Variants in ARHGEF12 observed in about 807,000 individuals in gnomAD.
ARHGEF12 encodes the protein Rho guanine nucleotide exchange factor 12.
A neutral mutation model predicts 211.2 loss-of-function variants in ARHGEF12; 66 were observed. The observed-to-expected ratio is 0.31, with a 90% CI of 0.26 to 0.38. ARHGEF12 has a LOEUF of 0.38. ARHGEF12 is among the 10% of genes least tolerant of loss of function. The pLI is 1.00. For synonymous variants in ARHGEF12, 592 were observed against 638.4 expected, an observed-to-expected ratio of 0.93 and a Z score of 1.09; for missense variants, 1,429 against 1,869.5, an observed-to-expected ratio of 0.76 and a Z score of 4.34.
intron 10 of ARHGEF12, among the ~76,000 whole-genome samples, chr11:120,431,137 A>C (rs1945516502): frequency 6.6e-6 from 1 of 152,024 alleles, no homozygotes; most frequent in Non-Finnish European, 1.5e-5. Context: ...TAAAAATAAA[A>C]AAATTAGACA....
rs898407888 is a variant in ARHGEF12, at chr11:120,489,096, TGAG to T, written c.*4023_*4025del. 5 of 223,926 alleles carry T rather than the reference TGAG, an allele frequency of 2.2e-5. No individual in the cohort carries two copies. The highest frequency in any genetic ancestry group is 8.9e-5 in the African/African-American group (4 of 44,828). 13.9% of individuals were successfully genotyped at this position (223,926 alleles called of 1,614,324 possible). A position where few individuals can be genotyped will look rare whatever the true frequency, so the allele number is the denominator to read the frequency against. On this transcript the variant is annotated 3_prime_UTR_variant, in exon 41 of 41. Coordinates refer to ENST00000397843, the MANE Select transcript of ARHGEF12 (RefSeq NM_015313.3). ...CTTGTCCAAGTTATATTAGAAAAGT[TGAG>T]GAGTCGAGGAGCCTGTAATTAATTT... is the stretch of plus-strand genomic sequence containing the variant.
intron 1 of ARHGEF12, among the ~76,000 whole-genome samples, chr11:120,397,495 T>C (rs1325892226): frequency 4.6e-5 from 7 of 152,228 alleles, no homozygotes; most frequent in Non-Finnish European, 8.8e-5. Context: ...ATATTTGTTA[T>C]AACATTCTTT....
intron 12 of ARHGEF12, among the ~76,000 whole-genome samples, chr11:120,438,148 G>GT (rs1945750556): frequency 6.6e-6 from 1 of 152,054 alleles, no homozygotes; most frequent in African/African-American, 2.4e-5. Flanking sequence ...TTACAGTTTT[G>GT]TAGTAAAAGA....
At chr11:120,477,111 GTTGTTGTT>G in intron 34 of ARHGEF12, 100 bp from the exon 35 acceptor site, 2 of 717,126 alleles carry the variant, frequency 2.8e-6, no homozygotes, top group Non-Finnish European at 4.8e-6. Context: ...TGTTGTTGTT[GTTGTTGTT>G]GGTTGATTTG....
chr11:120,477,038 A>T, intron 34 of ARHGEF12, 181 bp from the exon 35 acceptor site: 2 of 631,498 alleles, frequency 3.2e-6, no homozygotes, highest in Non-Finnish European at 5.5e-6. Flanking sequence ...TCTCGCCTTA[A>T]TAGTGTGTTG....
intron 1 of ARHGEF12, among the ~76,000 whole-genome samples, chr11:120,358,666 C>T (rs530633969): frequency 7.9e-5 from 12 of 152,256 alleles, no homozygotes; most frequent in African/African-American, 1.9e-4. Context: ...TCCTCAGTGA[C>T]ACTAGCCACA....
chr11:120,481,125 T>C (rs573742288), intron 38 of ARHGEF12, 135 bp from the exon 39 acceptor site: 2 of 795,636 alleles, frequency 2.5e-6, no homozygotes, highest in South Asian at 3.7e-5. Flanking sequence ...CTGATGTACC[T>C]GAAACTAAAC....
At chr11:120,401,851 T>C (rs529022277) in intron 1 of ARHGEF12, among the ~76,000 whole-genome samples, 1 of 152,344 alleles carries the variant, frequency 6.6e-6, no homozygotes, top group East Asian at 1.9e-4. Flanking sequence ...CTATGCATTT[T>C]ACTTAGCTAA....
intron 1 of ARHGEF12, among the ~76,000 whole-genome samples, chr11:120,353,358 C>T (rs756752370): frequency 6.6e-6 from 1 of 152,164 alleles, no homozygotes; most frequent in Non-Finnish European, 1.5e-5. Flanking sequence ...GTGCAGTCAG[C>T]CTGAACCGTG....
intron 11 of ARHGEF12, among the ~76,000 whole-genome samples, chr11:120,436,115 A>G (rs1340257442): frequency 1.3e-5 from 2 of 152,050 alleles, no homozygotes; most frequent in Non-Finnish European, 2.9e-5. Context: ...ATATGTGTGT[A>G]ATATTTTGAA....
At chr11:120,460,853 C>T (rs1271725112) in intron 27 of ARHGEF12, 96 bp downstream of exon 27, 1 of 1,061,142 alleles carries the variant, frequency 9.4e-7, no homozygotes, top group East Asian at 2.4e-5. Context: ...GCAAACTCAT[C>T]CATGTTGCAA....
intron 1 of ARHGEF12, among the ~76,000 whole-genome samples, chr11:120,396,680 T>G (rs1944400498): frequency 6.6e-6 from 1 of 152,230 alleles, no homozygotes; most frequent in Non-Finnish European, 1.5e-5. Context: ...AAATATATTG[T>G]AGACCTAAAA....
Position 120,446,447 on chromosome 11 carries a change from T to C in ARHGEF12, c.1390T>C (p.Tyr464His). Reference protein sequence around the residue: ...ELIPEDLHRHYIQTMQERVHP... With the variant: ...ELIPEDLHRHHIQTMQERVHP... Reference sequence around the variant, plus strand: ...CATTCCTGAGGATCTGCATCGCCACTATATCCAAACTATGCAAGAAAGAGT... The same window carrying C: ...CATTCCTGAGGATCTGCATCGCCACCATATCCAAACTATGCAAGAAAGAGT... Residue 464 changes from tyrosine to histidine, a missense_variant, in exon 17 of 41, where the codon TAT (tyrosine) becomes CAT (histidine). By Grantham distance (83) the Tyr-to-His change is moderately conservative. Coordinates refer to ENST00000397843, the MANE Select transcript of ARHGEF12 (RefSeq NM_015313.3). The C allele has an allele frequency of 1.2e-6, 2 of 1,613,412 alleles. No individual in the cohort carries two copies. Among genetic ancestry groups the C allele is most frequent in the Non-Finnish European group, 1.7e-6 (2 of 1,179,650 alleles).
intron 1 of ARHGEF12, among the ~76,000 whole-genome samples, chr11:120,345,767 A>G (rs909322607): frequency 6.6e-6 from 1 of 151,470 alleles, no homozygotes; most frequent in Non-Finnish European, 1.5e-5. Context: ...TATATACAGT[A>G]TTTAGCCTTG....
chr11:120,337,738 G>A lies in ARHGEF12; in HGVS notation c.32+463G>A, dbSNP rs556796854. 1.1e-5 allele frequency: 11 copies of A among 985,416 alleles called. No homozygotes were observed. In the African/African-American group the frequency reaches 1.6e-4, roughly 14 times the overall value. The allele number at this position is 985,416 out of a possible 1,614,324, so 61.0% of individuals were successfully genotyped here. The stretch of plus-strand genomic sequence containing the variant: ...GTTGAGCCTACTGCATGGTGATCTG[G>A]GAACTTGATCTCTTTCAGATGTTGA... On this transcript the variant is annotated intron_variant, in intron 1 of 40. Transcript: ENST00000397843.
Position 120,486,052 on chromosome 11 carries a change from C to T in ARHGEF12, c.*975C>T, listed in dbSNP as rs971509033. Reference sequence around the variant, plus strand: ...GAAGTAAAAACAAATGGAAATGCTTCGGATAGTGGCAGGGGTGGGGGTTGC... The same window carrying T: ...GAAGTAAAAACAAATGGAAATGCTTTGGATAGTGGCAGGGGTGGGGGTTGC... On this transcript the variant is annotated 3_prime_UTR_variant, in exon 41 of 41. Coordinates refer to ENST00000397843, the MANE Select transcript of ARHGEF12 (RefSeq NM_015313.3). The T allele has an allele frequency of 9.7e-6, 2 of 206,802 alleles. No homozygotes were observed. The highest frequency in any genetic ancestry group is 4.6e-5 in the African/African-American group (2 of 43,322). 12.8% of individuals were successfully genotyped at this position (206,802 alleles called of 1,614,324 possible). A position where few individuals can be genotyped will look rare whatever the true frequency, so the allele number is the denominator to read the frequency against.
chr11:120,463,840 G>T (rs1426793916), intron 27 of ARHGEF12: 2 of 152,040 alleles, frequency 1.3e-5, no homozygotes, highest in Non-Finnish European at 2.9e-5. Flanking sequence ...CAAACTTTTG[G>T]GAATATGGCT....
chr11:120,414,312 A>C (rs746002625), intron 4 of ARHGEF12, among the ~76,000 whole-genome samples: 9 of 152,224 alleles, frequency 5.9e-5, no homozygotes, highest in Non-Finnish European at 8.8e-5. Context: ...TCAAATTATT[A>C]TAGTTGGAAT....
intron 39 of ARHGEF12, among the ~76,000 whole-genome samples, chr11:120,483,795 T>C (rs1392550578): frequency 6.6e-6 from 1 of 152,128 alleles, no homozygotes; most frequent in East Asian, 1.9e-4. Flanking sequence ...TTTTTATTTT[T>C]AGTAGAGACG....
Sources: gnomAD v4.1 joint callset for allele counts (sites outside exome capture counted in the v4.1 genomes callset) on GRCh38, gnomAD v4.1.1 for gene constraint, MANE v1.5 for transcripts, NCBI Gene and HGNC (gene_info 2026-07-23, HGNC 2026-07-21) for gene names.